The following GTF2F1 variants were observed in gnomAD, a reference collection of about 807,000 sequenced individuals.
GTF2F1 encodes the protein general transcription factor IIF subunit 1.
GTF2F1 carries 39 observed loss-of-function variants against 63.5 expected under a neutral mutation model. That is an observed-to-expected ratio of 0.61 (90% CI 0.48 to 0.80). The LOEUF is 0.80. Among genes scored for constraint, GTF2F1 ranks in the 30% least tolerant of loss-of-function variants. The probability of loss-of-function intolerance (pLI) is 0.00; values close to 1 mark genes in which losing one functional copy is unlikely to be tolerated. For synonymous variants in GTF2F1, 287 were observed against 285.3 expected, an observed-to-expected ratio of 1.01 and a Z score of -0.06; for missense variants, 657 against 718.3, an observed-to-expected ratio of 0.91 and a Z score of 0.97.
chr19:6,392,246 A>G, intron 2 of GTF2F1: 1 of 520,488 alleles, frequency 1.9e-6, no homozygotes, highest in Non-Finnish European at 3.7e-6. Flanking sequence ...CTGGATACGG[A>G]AGACTCCAAG....
At chr19:6,382,713 G>A (rs1454633342) in intron 6 of GTF2F1, among the ~76,000 whole-genome samples, 9 of 149,260 alleles carry the variant, frequency 6.0e-5, no homozygotes, top group African/African-American at 1.2e-4. Flanking sequence ...TGGGAGGATC[G>A]TTTGACCCTC....
intron 4 of GTF2F1, 147 bp from the exon 5 acceptor site, chr19:6,387,706 T>A: frequency 1.7e-6 from 1 of 590,058 alleles, no homozygotes; most frequent in Non-Finnish European, 3.0e-6. Context: ...TTCAACCACC[T>A]GGGCCTCGTC....
rs8112507 is a variant in GTF2F1, at chr19:6,381,977, C to G, written c.683-127G>C. The G allele has an allele frequency of 1.6e-3, 1,196 of 740,296 alleles. 16 individuals are homozygous for G. In the African/African-American group the frequency reaches 0.02, roughly 12 times the overall value. The allele number at this position is 740,296 out of a possible 1,614,324, so 45.9% of individuals were successfully genotyped here. ...GCCTCACTGACTGGGGAGACTACAC[C>G]TCCAGGGCCAGCCCAGGAGCTCAGC... On this transcript the variant is annotated intron_variant, in intron 6 of 12. Transcript: ENST00000394456. The surrounding 1 kb of genome is among the most constrained non-coding windows in gnomAD (Gnocchi z 4.1).
rs1249942607 is a variant in GTF2F1, at chr19:6,389,555, T to G, written c.215A>C (p.Asn72Thr). ...CCGAGCCTCCTCCCGAAGCTTGCGG[T>G]TGAACTCACTGCCCGCGCCCGATTC... The part of the protein sequence containing the change: ...MPESGAGSEF[N>T]RKLREEARRK... Residue 72 changes from asparagine (N) to threonine (T), a missense_variant, in exon 4 of 13, where the codon AAC (asparagine) becomes ACC (threonine). Transcript: ENST00000394456. The G allele has an allele frequency of 6.2e-7, 1 of 1,614,112 alleles. No homozygotes were observed. The highest frequency in any genetic ancestry group is 8.5e-7 in the Non-Finnish European group (1 of 1,180,034).
At chr19:6,392,517 G>T (rs1216567251) in intron 2 of GTF2F1, 9 of 550,782 alleles carry the variant, frequency 1.6e-5, no homozygotes, top group Non-Finnish European at 3.0e-5. Flanking sequence ...AGAGGAACAG[G>T]ATGTACAAAG....
At position 6,383,471 on chromosome 19, in the gene GTF2F1, G is replaced by A. The variant is rs267605737; in HGVS notation, c.522C>T (p.Phe174=). 1 of 1,614,046 alleles carries A rather than the reference G, an allele frequency of 6.2e-7. No individual in the cohort carries two copies. Among genetic ancestry groups the A allele is most frequent in the Non-Finnish European group, 8.5e-7 (1 of 1,180,038 alleles). The change falls in exon 6 of 13, where the codon TTC becomes TTT. Residue 174 remains phenylalanine (F), a synonymous_variant. Transcript: ENST00000394456. The surrounding 1 kb of genome is among the most constrained non-coding windows in gnomAD (Gnocchi z 4.5). The part of the protein sequence containing the change: ...WERRNKVLNH[F]SIMQQRRLKD... ...TGAGCCGCCGCTGCTGCATGATGCTGAAGTGGTTCAGCACCTTGTTCCTCC... is the reference window on the plus strand; with the variant it reads ...TGAGCCGCCGCTGCTGCATGATGCTAAAGTGGTTCAGCACCTTGTTCCTCC...
rs1166727063 is a variant in GTF2F1 at position 6,388,012 on chromosome 19, C to T, written c.327-453G>A. Among the ~76,000 whole-genome samples the T allele has an allele frequency of 2.0e-5, 3 of 150,332 alleles. No homozygotes were observed. The South Asian group carries it at 6.3e-4, about 32-fold the overall frequency. On this transcript the variant is annotated intron_variant, in intron 4 of 12. Coordinates refer to ENST00000394456, the MANE Select transcript of GTF2F1 (RefSeq NM_002096.3). Reference sequence around the variant, plus strand: ...TGGCACCATCTCAGCTCACTGCAACCTCCACCTCCCGGGTTCAAGCAATTC... The same window carrying T: ...TGGCACCATCTCAGCTCACTGCAACTTCCACCTCCCGGGTTCAAGCAATTC...
intron 5 of GTF2F1, among the ~76,000 whole-genome samples, chr19:6,386,406 A>ACT: frequency 6.6e-6 from 1 of 152,152 alleles, no homozygotes; most frequent in African/African-American, 2.4e-5. Context: ...ACACACAAAC[A>ACT]AACAAACAAA....
Position 6,380,810 on chromosome 19 carries a change from C to T in GTF2F1, c.1231+94G>A, listed in dbSNP as rs1191185324. ...GGGATCAGGGAGAGACAGGCCTCCA[C>T]CCGCATCTCCATCCCCTCTCTGTCC... On this transcript the variant is annotated intron_variant, in intron 11 of 12. Transcript: ENST00000394456. The surrounding 1 kb of genome is among the most constrained non-coding windows in gnomAD (Gnocchi z 5.3). 4 of 1,498,642 alleles carry T rather than the reference C, an allele frequency of 2.7e-6. No homozygotes were observed. The highest frequency in any genetic ancestry group is 3.6e-6 in the Non-Finnish European group (4 of 1,115,042). 92.8% of individuals were successfully genotyped at this position (1,498,642 alleles called of 1,614,324 possible).
rs1446688333 is a variant in GTF2F1, at chr19:6,381,599, GCT to G, written c.851_852del (p.Glu284AlafsTer2). ...TGCGGCGCCTTGGCCTTGCTCTCAGGCTCTTCTTGGGAGCTACTGTAAGACGG... is the reference window on the plus strand; with the variant it reads ...TGCGGCGCCTTGGCCTTGCTCTCAGGCTTCTTGGGAGCTACTGTAAGACGG... Reference protein sequence around the residue: ...MSDGSSSSQEEPESKAKAPQQ... With the variant: ...MSDGSSSSQEXPESKAKAPQQ... On this transcript the variant is annotated frameshift_variant, in exon 8 of 13. Coordinates refer to ENST00000394456, the MANE Select transcript of GTF2F1 (RefSeq NM_002096.3). LOFTEE classifies it high-confidence loss of function. The surrounding 1 kb of genome is among the most constrained non-coding windows in gnomAD (Gnocchi z 4.1). 1 of 1,613,730 alleles carries G rather than the reference GCT, an allele frequency of 6.2e-7. No homozygotes were observed. Among genetic ancestry groups the G allele is most frequent in the African/African-American group, 1.3e-5 (1 of 74,944 alleles).
At position 6,392,921 on chromosome 19, in the gene GTF2F1, GGTGA is replaced by G. The variant is rs1377833972; in HGVS notation, c.13-22_13-19del. 5.0e-6 allele frequency: 8 copies of G among 1,614,020 alleles called. No individual in the cohort carries two copies. The highest frequency in any genetic ancestry group is 5.9e-6 in the Non-Finnish European group (7 of 1,180,020). ...CTAGGGCCCTGCGGAAAGAGGAAGC[GGTGA>G]GTGAGGGGTCGCCGAGGTCGCCGTC... is the stretch of plus-strand genomic sequence containing the variant. On this transcript the variant is annotated intron_variant, in intron 1 of 12. Transcript: ENST00000394456.
At position 6,388,165 on chromosome 19, in the gene GTF2F1, C is replaced by A. The variant is rs139672263; in HGVS notation, c.327-606G>T. ...GGCTAGTTTCGAACCCCTGACCCCA[C>A]GTAATCCGCCCGCCTCTGCCTCCCA... is the stretch of plus-strand genomic sequence containing the variant. On this transcript the variant is annotated intron_variant, in intron 4 of 12. Transcript: ENST00000394456. Among the ~76,000 whole-genome samples the A allele has an allele frequency of 4.5e-3, 675 of 151,634 alleles. 13 individuals are homozygous for A. The highest frequency in any genetic ancestry group is 0.015 in the African/African-American group (628 of 41,486).
intron 3 of GTF2F1, among the ~76,000 whole-genome samples, chr19:6,390,754 C>T (rs901756389): frequency 1.3e-5 from 2 of 151,396 alleles, no homozygotes; most frequent in Non-Finnish European, 2.9e-5. Flanking sequence ...GTGGTGGGCG[C>T]CTGTAATCCC....
chr19:6,385,164 G>A, intron 5 of GTF2F1, among the ~76,000 whole-genome samples: 1 of 152,034 alleles, frequency 6.6e-6, no homozygotes, highest in African/African-American at 2.4e-5. Context: ...GGATGCCAAA[G>A]CGGGCAGATC....
rs762988366 is a variant in GTF2F1, at chr19:6,392,838, G to T, written c.59+19C>A. 1.2e-5 allele frequency: 19 copies of T among 1,610,516 alleles called. No homozygotes were observed. Among genetic ancestry groups the T allele is most frequent in the Non-Finnish European group, 1.5e-5 (18 of 1,176,802 alleles). On this transcript the variant is annotated intron_variant, in intron 2 of 12. Coordinates refer to ENST00000394456, the MANE Select transcript of GTF2F1 (RefSeq NM_002096.3). Reference sequence around the variant, plus strand: ...TTTTGGGGGGTGGAGAGGAGTGGGAGATGGGGCTGGGGACTTACTTAGGAA... The same window carrying T: ...TTTTGGGGGGTGGAGAGGAGTGGGATATGGGGCTGGGGACTTACTTAGGAA...
chr19:6,389,088 C>G (rs1001257736), intron 4 of GTF2F1, among the ~76,000 whole-genome samples: 1 of 151,942 alleles, frequency 6.6e-6, no homozygotes, highest in Non-Finnish European at 1.5e-5. Context: ...CAAAAATTAG[C>G]TGGGCGTGGT....
intron 6 of GTF2F1, among the ~76,000 whole-genome samples, chr19:6,382,193 G>A (rs577293367): frequency 2.6e-5 from 4 of 152,108 alleles, no homozygotes; most frequent in Non-Finnish European, 5.9e-5. Context: ...AGGAACCCCC[G>A]TAAAGGCCAC....
At chr19:6,388,935 G>C (rs1292594263) in intron 4 of GTF2F1, among the ~76,000 whole-genome samples, 2 of 152,116 alleles carry the variant, frequency 1.3e-5, no homozygotes, top group Non-Finnish European at 2.9e-5. Context: ...AACGGAGTGA[G>C]ACCCTGTCTC....
chr19:6,385,395 CAAAAAAAAAAAAA>C (rs10602439), intron 5 of GTF2F1, among the ~76,000 whole-genome samples: 2 of 37,982 alleles, frequency 5.3e-5, no homozygotes, highest in Non-Finnish European at 6.5e-5. Context: ...GAGACTGTCT[CAAAAAAAAAAAAA>C]AAAAAAAAAA....
Sources: allele counts gnomAD v4.1 joint callset (sites outside exome capture counted in the v4.1 genomes callset), GRCh38; gene constraint gnomAD v4.1.1; non-coding constraint Gnocchi (gnomAD v3.1); transcripts MANE v1.5; gene names NCBI Gene and HGNC (gene_info 2026-07-23, HGNC 2026-07-21).